Variants in DCX observed in about 807,000 individuals in gnomAD.
The protein encoded by DCX is doublecortin, also known as neuronal migration protein doublecortin.
In DCX, 4 loss-of-function variants were observed where a neutral mutation model predicts 20.9. The ratio of observed to expected loss-of-function variants is 0.19; its 90% CI spans 0.09 to 0.44. The LOEUF (loss-of-function observed/expected upper bound fraction) is 0.44, where lower values mean the gene tolerates loss of function less well. Ranked by LOEUF, DCX falls within the 20% of genes least tolerant of loss-of-function variation. The pLI, the probability that DCX is intolerant of heterozygous loss-of-function variation, is 0.99. For missense variants in DCX, 133 were observed against 296.9 expected, an observed-to-expected ratio of 0.45 and a Z score of 4.06; for synonymous variants, 103 against 111.4, an observed-to-expected ratio of 0.92 and a Z score of 0.47.
chrX:111,408,153 C>T (rs1345423076), intron 2 of DCX, among the ~76,000 whole-genome samples: 1 of 111,517 alleles, frequency 9.0e-6, no homozygotes, highest in Non-Finnish European at 1.9e-5. Context: ...ACAGCTCCCT[C>T]GACCTAGCTT....
chrX:111,405,436 A>G (rs2147268757), intron 2 of DCX, among the ~76,000 whole-genome samples: 1 of 112,145 alleles, frequency 8.9e-6, no homozygotes, highest in South Asian at 3.7e-4. Flanking sequence ...TCTCAATGAA[A>G]CATATGAGCT....
At chrX:111,301,776 C>T (rs1293638125) in intron 6 of DCX, 33 bp from the exon 7 acceptor site, 6 of 1,174,880 alleles carry the variant, frequency 5.1e-6, no homozygotes, top group Non-Finnish European at 7.0e-6. Flanking sequence ...GTTAATTTTC[C>T]TTTTCTTGAT....
At chrX:111,312,532 A>C in intron 6 of DCX, 107 bp downstream of exon 6, 2 of 800,174 alleles carry the variant, frequency 2.5e-6, no homozygotes, top group Non-Finnish European at 3.7e-6. Context: ...AGATGAAGAA[A>C]ATTTCTGGCC....
At chrX:111,321,516 A>C (rs1264214539) in intron 5 of DCX, among the ~76,000 whole-genome samples, 2 of 111,732 alleles carry the variant, frequency 1.8e-5, no homozygotes, top group Non-Finnish European at 3.8e-5. Flanking sequence ...ATCTAGATTT[A>C]CAGAGATTTA....
At chrX:111,327,985 C>A (rs141319724) in intron 5 of DCX, among the ~76,000 whole-genome samples, 1 of 112,243 alleles carries the variant, frequency 8.9e-6, no homozygotes, top group African/African-American at 3.2e-5. Context: ...CTGGCAATTG[C>A]CATAAAGATT....
rs184159893 is a variant in DCX at position 111,321,057 on chromosome X, T to C, written c.947-8321A>G. 3.6e-3 allele frequency among the ~76,000 whole-genome samples: 399 copies of C among 111,537 alleles called. 3 individuals are homozygous for C. The highest frequency in any genetic ancestry group is 0.012 in the African/African-American group (380 of 30,709). On this transcript the variant is annotated intron_variant, in intron 5 of 6. Coordinates refer to ENST00000636035, the MANE Select transcript of DCX (RefSeq NM_001195553.2). ...TAGGGAGGAGGGTGAAAGTTGTGGC[T>C]GAGAAAAGAGAAAGTAATGAAAAGA...
rs767110804 is a variant in DCX, at chrX:111,351,099, G to A, written c.706-17946C>T. Among the ~76,000 whole-genome samples, 3 of 112,173 alleles carry A rather than the reference G, an allele frequency of 2.7e-5. No homozygotes were observed. In the South Asian group the frequency reaches 1.1e-3, roughly 42 times the overall value. The stretch of plus-strand genomic sequence containing the variant: ...GGAGCTACAATTCAAGATGGGATTT[G>A]GGTGAGGACACAGCCAAACCATACC... On this transcript the variant is annotated intron_variant, in intron 3 of 6. Coordinates refer to ENST00000636035, the MANE Select transcript of DCX (RefSeq NM_001195553.2).
chrX:111,341,948 T>C (rs1239192994), intron 3 of DCX, among the ~76,000 whole-genome samples: 4 of 110,079 alleles, frequency 3.6e-5, no homozygotes, highest in Non-Finnish European at 5.7e-5. Context: ...CCAATGACAC[T>C]ATGAAGAAAC....
rs1289833552 is a variant in DCX at position 111,296,636 on chromosome X, C to T, written c.*5051G>A. The stretch of plus-strand genomic sequence containing the variant: ...AATAGCCAGATTTGGTGGCGCACGC[C>T]TGTAATCCCAGCTACTCGGGAGACT... On this transcript the variant is annotated 3_prime_UTR_variant, in exon 7 of 7. Transcript: ENST00000636035. 2 of 109,932 alleles carry T rather than the reference C, an allele frequency of 1.8e-5. No individual in the cohort carries two copies. Among genetic ancestry groups the T allele is most frequent in the Non-Finnish European group, 3.8e-5 (2 of 52,823 alleles). 9.1% of individuals were successfully genotyped at this position (109,932 alleles called of 1,213,427 possible).
intron 3 of DCX, among the ~76,000 whole-genome samples, chrX:111,385,652 TCA>T (rs1491269405): frequency 2.0e-5 from 2 of 101,056 alleles, no homozygotes; most frequent in East Asian, 6.1e-4. Flanking sequence ...CGAGAATCTG[TCA>T]AAAAAGAAAG....
chrX:111,335,582 T>C (rs1921640965), intron 3 of DCX, among the ~76,000 whole-genome samples: 1 of 112,630 alleles, frequency 8.9e-6, no homozygotes, highest in Non-Finnish European at 1.9e-5. Flanking sequence ...GTAGAAATAA[T>C]GTGAATTCAG....
rs1356413142 is a variant in DCX, at chrX:111,298,942, G to A, written c.*2745C>T. The A allele has an allele frequency of 1.8e-5, 2 of 108,154 alleles. No individual in the cohort carries two copies. The highest frequency in any genetic ancestry group is 3.8e-5 in the Non-Finnish European group (2 of 52,899). 8.9% of individuals were successfully genotyped at this position (108,154 alleles called of 1,213,427 possible). ...AAAATCAGGAGGTAGGAACAAGCAA[G>A]AGATGGATTGTGTGTGTGTGTGTGT... On this transcript the variant is annotated 3_prime_UTR_variant, in exon 7 of 7. Coordinates refer to ENST00000636035, the MANE Select transcript of DCX (RefSeq NM_001195553.2).
chrX:111,328,078 C>T (rs2095103618), intron 5 of DCX, among the ~76,000 whole-genome samples: 1 of 112,157 alleles, frequency 8.9e-6, no homozygotes, highest in South Asian at 3.7e-4. Context: ...CTGAGAACAC[C>T]ATGTTAGATT....
intron 3 of DCX, among the ~76,000 whole-genome samples, chrX:111,376,478 G>C (rs906069941): frequency 8.9e-6 from 1 of 112,174 alleles, no homozygotes; most frequent in Non-Finnish European, 1.9e-5. Context: ...CCCTGAGGAA[G>C]GTAGGAATGA....
intron 3 of DCX, among the ~76,000 whole-genome samples, chrX:111,388,284 G>C (rs1423226112): frequency 2.7e-5 from 3 of 111,586 alleles, no homozygotes; most frequent in Non-Finnish European, 5.7e-5. Flanking sequence ...CCTTTACCAT[G>C]GGTGAATAGG....
chrX:111,338,617 G>A (rs756499259), intron 3 of DCX, among the ~76,000 whole-genome samples: 19 of 106,831 alleles, frequency 1.8e-4, no homozygotes, highest in African/African-American at 6.5e-4. Flanking sequence ...ATGTTTCTGG[G>A]GTTATCTTGA....
At chrX:111,371,658 G>T (rs1925090369) in intron 3 of DCX, among the ~76,000 whole-genome samples, 1 of 111,131 alleles carries the variant, frequency 9.0e-6, no homozygotes, top group African/African-American at 3.3e-5. Flanking sequence ...CAGTTGTATG[G>T]ATTATCTCAT....
intron 3 of DCX, among the ~76,000 whole-genome samples, chrX:111,336,843 T>C (rs1186064068): frequency 8.9e-6 from 1 of 111,970 alleles, no homozygotes; most frequent in African/African-American, 3.2e-5. Flanking sequence ...TCTTTAAGGA[T>C]ATGTTTAATC....
At chrX:111,346,843 TA>T (rs1411661926) in intron 3 of DCX, among the ~76,000 whole-genome samples, 4 of 111,903 alleles carry the variant, frequency 3.6e-5, no homozygotes, top group African/African-American at 1.3e-4. Flanking sequence ...ATAAAACTGT[TA>T]AAAAAAGAAA....
Sources: gnomAD v4.1 joint callset for allele counts (sites outside exome capture counted in the v4.1 genomes callset) on GRCh38, gnomAD v4.1.1 for gene constraint, MANE v1.5 for transcripts, NCBI Gene and HGNC (gene_info 2026-07-23, HGNC 2026-07-21) for gene names.